SLC35F1: variants seen among roughly 807,000 people sequenced by gnomAD.
The protein encoded by SLC35F1 is chromosome 6 open reading frame 169.
SLC35F1 carries 14 observed loss-of-function variants against 48.7 expected under a neutral mutation model. That is an observed-to-expected ratio of 0.29 (90% CI 0.19 to 0.45). SLC35F1 has a LOEUF of 0.45. Among genes scored for constraint, SLC35F1 ranks in the 20% least tolerant of loss-of-function variants. The probability of loss-of-function intolerance (pLI) is 1.00; values close to 1 mark genes in which losing one functional copy is unlikely to be tolerated. For synonymous variants in SLC35F1, 190 were observed against 202.2 expected (o/e 0.94, Z 0.51); for missense variants, 404 against 500.0 (o/e 0.81, Z 1.83).
At chr6:117,980,685 C>T (rs1270867646) in intron 1 of SLC35F1, among the ~76,000 whole-genome samples, 1 of 152,148 alleles carries the variant, frequency 6.6e-6, no homozygotes, top group Admixed American at 6.5e-5. Flanking sequence ...TCAGAGTACA[C>T]TGTAGTAAAG....
chr6:118,255,938 G>T (rs928695262), intron 3 of SLC35F1, among the ~76,000 whole-genome samples: 31 of 152,208 alleles, frequency 2.0e-4, no homozygotes, highest in Admixed American at 4.6e-4. Flanking sequence ...GAAGGGGAGA[G>T]CGCTGTGAAT....
At chr6:117,993,453 C>T (rs913627583) in intron 1 of SLC35F1, among the ~76,000 whole-genome samples, 2 of 152,048 alleles carry the variant, frequency 1.3e-5, no homozygotes, top group Non-Finnish European at 2.9e-5. Context: ...AATATTCGTT[C>T]ATTTAAACAA....
chr6:118,061,370 C>CCTG (rs1464539841), intron 1 of SLC35F1, among the ~76,000 whole-genome samples: 2 of 152,100 alleles, frequency 1.3e-5, no homozygotes, highest in Non-Finnish European at 2.9e-5. Flanking sequence ...GGCCCCAGTT[C>CCTG]CTGTCCTTCT....
intron 7 of SLC35F1, among the ~76,000 whole-genome samples, chr6:118,300,905 A>G (rs1245170700): frequency 1.3e-5 from 2 of 152,212 alleles, no homozygotes; most frequent in Non-Finnish European, 2.9e-5. Context: ...GTTGGTGATC[A>G]GTTTCACACC....
chr6:118,270,324 T>G (rs571673484), intron 4 of SLC35F1, among the ~76,000 whole-genome samples: 4 of 152,322 alleles, frequency 2.6e-5, no homozygotes, highest in African/African-American at 9.6e-5. Context: ...TGGCATTAAG[T>G]ACTTCATGTA....
intron 1 of SLC35F1, among the ~76,000 whole-genome samples, chr6:118,135,748 AAT>A (rs943950074): frequency 6.2e-4 from 95 of 152,230 alleles, no homozygotes; most frequent in African/African-American, 2.2e-3. Flanking sequence ...CACTCGCTAC[AAT>A]TAAATATACT....
rs370797372 is a variant in SLC35F1 at position 117,937,981 on chromosome 6, T to G, written c.173+30082T>G. Among the ~76,000 whole-genome samples the G allele has an allele frequency of 5.3e-5, 8 of 152,146 alleles. 1 individual carries two copies. The East Asian group carries it at 1.4e-3, about 26-fold the overall frequency. ...CCACCACACACCATACTTCAGGGCA[T>G]AATTTCTCTCTGTGGGTCATGGCAC... On this transcript the variant is annotated intron_variant, in intron 1 of 7. Transcript: ENST00000360388.
At chr6:117,920,629 C>T (rs909385362) in intron 1 of SLC35F1, among the ~76,000 whole-genome samples, 1 of 152,160 alleles carries the variant, frequency 6.6e-6, no homozygotes, top group Non-Finnish European at 1.5e-5. Context: ...TGAGTGGCAG[C>T]TGGGTCAGGG....
At chr6:118,145,164 G>T (rs1773953255) in intron 1 of SLC35F1, among the ~76,000 whole-genome samples, 1 of 152,172 alleles carries the variant, frequency 6.6e-6, no homozygotes, top group Non-Finnish European at 1.5e-5. Flanking sequence ...TAAGCAAGCA[G>T]CTGTTTCCTG....
intron 1 of SLC35F1, among the ~76,000 whole-genome samples, chr6:118,094,850 C>T (rs1040367970): frequency 6.6e-6 from 1 of 152,032 alleles, no homozygotes; most frequent in East Asian, 1.9e-4. Context: ...CTCCTGTAAT[C>T]CCAGCTACTT....
At chr6:117,951,578 A>G (rs559657958) in intron 1 of SLC35F1, among the ~76,000 whole-genome samples, 23 of 152,352 alleles carry the variant, frequency 1.5e-4, no homozygotes, top group African/African-American at 5.5e-4. Flanking sequence ...AAGTAAAAGT[A>G]AAAGAAAACA....
chr6:118,159,356 A>G (rs1024654391), intron 2 of SLC35F1, among the ~76,000 whole-genome samples: 1 of 152,152 alleles, frequency 6.6e-6, no homozygotes, highest in Non-Finnish European at 1.5e-5. Context: ...AATTTAGGTA[A>G]AACAGAGATA....
intron 7 of SLC35F1, among the ~76,000 whole-genome samples, chr6:118,308,536 G>T (rs1211618208): frequency 6.6e-6 from 1 of 152,122 alleles, no homozygotes; most frequent in Non-Finnish European, 1.5e-5. Flanking sequence ...CTTACCCATG[G>T]TTGCATTGAT....
At chr6:118,107,338 T>C (rs1203072676) in intron 1 of SLC35F1, among the ~76,000 whole-genome samples, 1 of 152,190 alleles carries the variant, frequency 6.6e-6, no homozygotes, top group Non-Finnish European at 1.5e-5. Flanking sequence ...GAAACTCAAA[T>C]TCTGTACTCT....
At chr6:118,309,169 ATGTGTGTGTG>A (rs57832608) in intron 7 of SLC35F1, among the ~76,000 whole-genome samples, 63,213 of 148,082 alleles carry the variant, frequency 0.43, 13,793 homozygotes, top group Middle Eastern at 0.52. Context: ...GGGCCTGTAG[ATGTGTGTGTG>A]TGTGTGTGTG....
rs1361769187 is a variant in SLC35F1, at chr6:117,924,486, G to GTATATACATATATACATATGTATATACA, written c.173+16598_173+16599insATACATATGTATATACATATATACATAT. Reference sequence around the variant, plus strand: ...TGTACATATATACATATGTATATACGTATATACATATGTATATACGTATAT... The same window carrying GTATATACATATATACATATGTATATACA: ...TGTACATATATACATATGTATATACGTATATACATATATACATATGTATATACATATATACATATGTATATACGTATAT... On this transcript the variant is annotated intron_variant, in intron 1 of 7. Transcript: ENST00000360388. 4.1e-3 allele frequency among the ~76,000 whole-genome samples: 73 copies of GTATATACATATATACATATGTATATACA among 17,908 alleles called. 3 individuals are homozygous for GTATATACATATATACATATGTATATACA. Among genetic ancestry groups the GTATATACATATATACATATGTATATACA allele is most frequent in the Admixed American group, 9.5e-3 (8 of 840 alleles). The allele number at this position is 17,908 out of a possible 152,430, so 11.7% of individuals were successfully genotyped here.
At chr6:118,243,225 G>T (rs1775463420) in intron 3 of SLC35F1, among the ~76,000 whole-genome samples, 1 of 152,196 alleles carries the variant, frequency 6.6e-6, no homozygotes, top group Non-Finnish European at 1.5e-5. Context: ...ATCAAATACA[G>T]AGAAAGGCCA....
chr6:118,058,517 G>T (rs1772493176), intron 1 of SLC35F1, among the ~76,000 whole-genome samples: 1 of 151,980 alleles, frequency 6.6e-6, no homozygotes, highest in African/African-American at 2.4e-5. Flanking sequence ...AACAAGGTGG[G>T]AAATATAAAT....
In SLC35F1 at chr6:118,285,196, T is replaced by C; in HGVS notation, c.860T>C (p.Val287Ala). 2.5e-6 allele frequency: 4 copies of C among 1,613,860 alleles called. No individual in the cohort carries two copies. Among genetic ancestry groups the C allele is most frequent in the Non-Finnish European group, 3.4e-6 (4 of 1,179,820 alleles). ...PWDWQIGLLYVGFSACMFGLY... is the reference protein window; with the variant it reads ...PWDWQIGLLYAGFSACMFGLY... ...ACTCTTCCCCCAGGACTGCTCTACGTTGGCTTTAGTGCCTGCATGTTTGGT... is the reference window on the plus strand; with the variant it reads ...ACTCTTCCCCCAGGACTGCTCTACGCTGGCTTTAGTGCCTGCATGTTTGGT... The change falls in exon 7 of 8, where the codon GTT becomes GCT. Residue 287 changes from valine (V) to alanine (A), a missense_variant. Around this residue, in one of 2 missense-constraint regions of SLC35F1, gnomAD observed 306 missense variants for 419.1 expected, o/e 0.73. Coordinates refer to ENST00000360388, the MANE Select transcript of SLC35F1 (RefSeq NM_001029858.4).
Sources: allele counts gnomAD v4.1 joint callset (sites outside exome capture counted in the v4.1 genomes callset), GRCh38; gene constraint gnomAD v4.1.1; regional missense constraint gnomAD v4.1.1; transcripts MANE v1.5; gene names NCBI Gene and HGNC (gene_info 2026-07-23, HGNC 2026-07-21).